RORA: variants seen among roughly 807,000 people sequenced by gnomAD.
RORA encodes the protein nuclear receptor ROR-alpha.
A neutral mutation model predicts 69.5 loss-of-function variants in RORA; 7 were observed. The ratio of observed to expected loss-of-function variants is 0.10; its 90% CI spans 0.06 to 0.19. The LOEUF (loss-of-function observed/expected upper bound fraction) is 0.19. Ranked by LOEUF, RORA falls within the 10% of genes least tolerant of loss-of-function variation. The probability of loss-of-function intolerance (pLI) is 1.00; values close to 1 mark genes in which losing one functional copy is unlikely to be tolerated. For synonymous variants in RORA, 261 were observed against 240.8 expected, an observed-to-expected ratio of 1.08 and a Z score of -0.78; for missense variants, 457 against 663.0, an observed-to-expected ratio of 0.69 and a Z score of 3.41.
chr15:60,596,187 A>AGTGGAC (rs2140537000), intron 2 of RORA, among the ~76,000 whole-genome samples: 1 of 152,300 alleles, frequency 6.6e-6, no homozygotes, highest in South Asian at 2.1e-4. Context: ...ATGACAAACC[A>AGTGGAC]GTGGACTGGC....
At chr15:60,877,160 C>G (rs1393178205) in intron 1 of RORA, among the ~76,000 whole-genome samples, 1 of 152,192 alleles carries the variant, frequency 6.6e-6, no homozygotes, top group Non-Finnish European at 1.5e-5. Flanking sequence ...CATCTCAACA[C>G]AAGGCTGAGA....
chr15:61,166,863 C>G (rs2079543257), intron 1 of RORA, among the ~76,000 whole-genome samples: 2 of 152,098 alleles, frequency 1.3e-5, no homozygotes, highest in African/African-American at 4.8e-5. Context: ...AATAAAGACT[C>G]CATTCTCATG....
chr15:60,890,130 C>A (rs1228148104), intron 1 of RORA, among the ~76,000 whole-genome samples: 2 of 152,348 alleles, frequency 1.3e-5, no homozygotes, highest in East Asian at 3.9e-4. Flanking sequence ...GTGCTATGCA[C>A]ATACGCATCC....
intron 1 of RORA, among the ~76,000 whole-genome samples, chr15:61,038,090 T>G (rs1414614268): frequency 1.3e-5 from 2 of 152,252 alleles, no homozygotes; most frequent in Non-Finnish European, 2.9e-5. Flanking sequence ...CATTCGTCTA[T>G]TATTCTGATC....
intron 1 of RORA, among the ~76,000 whole-genome samples, chr15:60,700,204 A>G (rs2070963034): frequency 1.3e-5 from 2 of 152,224 alleles, no homozygotes; most frequent in Admixed American, 1.3e-4. Context: ...TTACCACTCT[A>G]TTCAAAAGTG....
chr15:61,096,399 A>G (rs1394756518), intron 1 of RORA, among the ~76,000 whole-genome samples: 3 of 152,220 alleles, frequency 2.0e-5, no homozygotes, highest in African/African-American at 7.2e-5. Context: ...GACAATTCAC[A>G]GTCCAAAAGA....
intron 1 of RORA, among the ~76,000 whole-genome samples, chr15:61,027,569 A>T (rs1895892944): frequency 6.6e-6 from 1 of 152,158 alleles, no homozygotes; most frequent in African/African-American, 2.4e-5. Context: ...TCAACTAATA[A>T]ATGGTGGGAT....
chr15:60,925,192 C>T (rs1012027264), intron 1 of RORA, among the ~76,000 whole-genome samples: 20 of 152,268 alleles, frequency 1.3e-4, no homozygotes, highest in African/African-American at 4.1e-4. Context: ...TCCTGACAGG[C>T]GGACCCTTGC....
intron 1 of RORA, among the ~76,000 whole-genome samples, chr15:60,815,173 C>A (rs1408956985): frequency 1.3e-5 from 2 of 152,094 alleles, no homozygotes; most frequent in Admixed American, 1.3e-4. Flanking sequence ...TTAACCAATG[C>A]TCATTTCTCT....
intron 2 of RORA, among the ~76,000 whole-genome samples, chr15:60,575,108 CAT>C (rs969557982): frequency 6.6e-6 from 1 of 151,976 alleles, no homozygotes; most frequent in Non-Finnish European, 1.5e-5. Context: ...AGTTTGAAAA[CAT>C]AGCTCCGTTT....
At chr15:60,999,224 T>G (rs1894668251) in intron 1 of RORA, among the ~76,000 whole-genome samples, 1 of 152,126 alleles carries the variant, frequency 6.6e-6, no homozygotes, top group Admixed American at 6.5e-5. Flanking sequence ...AGTGAAAACA[T>G]CCTCATCGTT....
intron 1 of RORA, among the ~76,000 whole-genome samples, chr15:61,227,199 C>A (rs2080153328): frequency 7.3e-6 from 1 of 136,844 alleles, no homozygotes; most frequent in South Asian, 2.7e-4. Flanking sequence ...AATACTATGT[C>A]CCCCCCATTC....
At chr15:60,795,844 T>A (rs1306404647) in intron 1 of RORA, among the ~76,000 whole-genome samples, 1 of 152,110 alleles carries the variant, frequency 6.6e-6, no homozygotes, top group African/African-American at 2.4e-5. Context: ...AAACATTACA[T>A]AAGACAAAGT....
In RORA at chr15:60,537,289, G is replaced by A. The variant is rs781729483; in HGVS notation, c.197-5438C>T. ...ATGCAGGTTGTGCTCTGCCCAGTGC[G>A]GCCTAGCTGAGGGGTCAAAAGTAGA... On this transcript the variant is annotated intron_variant, in intron 2 of 10. Coordinates refer to ENST00000335670, the MANE Select transcript of RORA (RefSeq NM_134261.3). The surrounding 1 kb of genome is among the most constrained non-coding windows in gnomAD (Gnocchi z 4.9). Among the ~76,000 whole-genome samples the A allele has an allele frequency of 6.6e-6, 1 of 152,186 alleles. No individual in the cohort carries two copies. Among genetic ancestry groups the A allele is most frequent in the African/African-American group, 2.4e-5 (1 of 41,448 alleles).
intron 1 of RORA, among the ~76,000 whole-genome samples, chr15:61,150,833 AT>A (rs1171208705): frequency 6.6e-6 from 1 of 152,154 alleles, no homozygotes; most frequent in South Asian, 2.1e-4. Context: ...GAAAATTGCC[AT>A]TTCTCTACTT....
intron 5 of RORA, among the ~76,000 whole-genome samples, chr15:60,509,276 A>T (rs576481036): frequency 6.6e-6 from 1 of 152,204 alleles, no homozygotes; most frequent in South Asian, 2.1e-4. Flanking sequence ...TTCCAGATAA[A>T]TGCTAGTTTA....
intron 2 of RORA, among the ~76,000 whole-genome samples, chr15:60,565,322 A>T (rs1228803539): frequency 6.6e-6 from 1 of 152,216 alleles, no homozygotes; most frequent in Non-Finnish European, 1.5e-5. Context: ...TTGGTTTCAG[A>T]TAGTGCTAGA....
intron 1 of RORA, among the ~76,000 whole-genome samples, chr15:60,915,144 C>G (rs1891834839): frequency 6.6e-6 from 1 of 152,202 alleles, no homozygotes. Flanking sequence ...CCAATATGTT[C>G]CTCTGGATTT....
At chr15:60,902,869 C>T (rs1301778942) in intron 1 of RORA, among the ~76,000 whole-genome samples, 1 of 152,186 alleles carries the variant, frequency 6.6e-6, no homozygotes, top group East Asian at 1.9e-4. Flanking sequence ...CAGCTGCCCA[C>T]GGAATGCTCT....
Sources: allele counts gnomAD v4.1 joint callset (sites outside exome capture counted in the v4.1 genomes callset), GRCh38; gene constraint gnomAD v4.1.1; non-coding constraint Gnocchi (gnomAD v3.1); transcripts MANE v1.5; gene names NCBI Gene and HGNC (gene_info 2026-07-23, HGNC 2026-07-21).